COL8A1: variants seen among roughly 807,000 people sequenced by gnomAD.
The protein encoded by COL8A1 is collagen alpha-1(VIII) chain.
In COL8A1, 21 loss-of-function variants were observed where a neutral mutation model predicts 42.7. The ratio of observed to expected loss-of-function variants is 0.49; its 90% confidence interval spans 0.35 to 0.71. The LOEUF is 0.71. Among genes scored for constraint, COL8A1 ranks in the 30% least tolerant of loss-of-function variants. The probability of loss-of-function intolerance (pLI) is 0.01; values close to 1 mark genes in which losing one functional copy is unlikely to be tolerated. For synonymous variants in COL8A1, 367 were observed against 369.1 expected (o/e 0.99, Z 0.06); for missense variants, 788 against 962.4 (o/e 0.82, Z 2.40).
intron 1 of COL8A1, among the ~76,000 whole-genome samples, chr3:99,734,630 C>A (rs557021053): frequency 4.0e-5 from 6 of 151,824 alleles, no homozygotes; most frequent in African/African-American, 9.7e-5. Context: ...CTTGGCGATG[C>A]GGGCTTTTTT....
At chr3:99,741,772 C>T (rs1253414381) in intron 1 of COL8A1, among the ~76,000 whole-genome samples, 2 of 152,188 alleles carry the variant, frequency 1.3e-5, no homozygotes, top group African/African-American at 2.4e-5. Flanking sequence ...GTCAGCCTCA[C>T]GGCCTTTTGT....
rs552259912 is a variant in COL8A1, at chr3:99,796,334, G to A, written c.*198G>A. 2 of 462,192 alleles carry A rather than the reference G, an allele frequency of 4.3e-6. No homozygotes were observed. The highest frequency in any genetic ancestry group is 5.2e-5 in the South Asian group (1 of 19,296). 28.6% of individuals were successfully genotyped at this position (462,192 alleles called of 1,614,324 possible). On this transcript the variant is annotated 3_prime_UTR_variant, in exon 4 of 4. Transcript: ENST00000652472. ...ATACTCCACACAGCAGCCTGTAATT[G>A]CGAATGATGGGATAGAGTTATGTAT...
chr3:99,653,301 A>C lies in COL8A1; in HGVS notation c.-129+14637A>C, dbSNP rs183363755. Among the ~76,000 whole-genome samples the C allele has an allele frequency of 4.7e-4, 72 of 152,258 alleles. 1 individual carries two copies. Among genetic ancestry groups the C allele is most frequent in the Admixed American group, 4.0e-3 (61 of 15,288 alleles). Reference sequence around the variant, plus strand: ...TAGCTCATTTAATGAACTCTTTACTATGCCAGAGTCCTGCTGTGCATTGGT... The same window carrying C: ...TAGCTCATTTAATGAACTCTTTACTCTGCCAGAGTCCTGCTGTGCATTGGT... On this transcript the variant is annotated intron_variant, in intron 1 of 3. Coordinates refer to ENST00000652472, the MANE Select transcript of COL8A1 (RefSeq NM_020351.4).
In COL8A1 at chr3:99,796,186, A is replaced by G; in HGVS notation, c.*50A>G. 7.3e-7 allele frequency: 1 copy of G among 1,361,858 alleles called. No individual in the cohort carries two copies. The highest frequency in any genetic ancestry group is 9.7e-7 in the Non-Finnish European group (1 of 1,032,086). 84.4% of individuals were successfully genotyped at this position (1,361,858 alleles called of 1,614,324 possible). On this transcript the variant is annotated 3_prime_UTR_variant, in exon 4 of 4. Transcript: ENST00000652472. ...AAAGAAAGAGATTTTATAGAAGAAAATGACACACCAAAAAATCCAAATGAA... is the reference window on the plus strand; with the variant it reads ...AAAGAAAGAGATTTTATAGAAGAAAGTGACACACCAAAAAATCCAAATGAA...
chr3:99,696,709 T>C lies in COL8A1; in HGVS notation c.-128-48188T>C, dbSNP rs554813174. ...TCAGTCCCCGGGGTTACGCAATTAA[T>C]GCAGCATCATAACAGAAACGAAGAC... is the stretch of plus-strand genomic sequence containing the variant. On this transcript the variant is annotated intron_variant, in intron 1 of 3. Coordinates refer to ENST00000652472, the MANE Select transcript of COL8A1 (RefSeq NM_020351.4). 1.6e-4 allele frequency among the ~76,000 whole-genome samples: 24 copies of C among 152,268 alleles called. No homozygotes were observed. In the South Asian group the frequency reaches 2.1e-3, roughly 13 times the overall value.
intron 2 of COL8A1, among the ~76,000 whole-genome samples, chr3:99,777,453 G>T (rs1422353360): frequency 1.3e-5 from 2 of 152,164 alleles, no homozygotes; most frequent in Non-Finnish European, 2.9e-5. Context: ...AAGTTGAACT[G>T]GAATCATGAC....
At chr3:99,685,812 T>G (rs1173355594) in intron 1 of COL8A1, among the ~76,000 whole-genome samples, 1 of 152,234 alleles carries the variant, frequency 6.6e-6, no homozygotes, top group Admixed American at 6.5e-5. Flanking sequence ...ACCATGGCAG[T>G]TCTCTGTGAT....
rs541414679 is a variant in COL8A1, at chr3:99,788,507, T to G, written c.-3-2173T>G. 2.0e-5 allele frequency among the ~76,000 whole-genome samples: 3 copies of G among 152,328 alleles called. No individual in the cohort carries two copies. In the East Asian group the frequency reaches 5.8e-4, roughly 29 times the overall value. On this transcript the variant is annotated intron_variant, in intron 2 of 3. Transcript: ENST00000652472. ...GGGGTTCCATAATTAAATTCATTCA[T>G]CCCCAAAAGTAGAATTAAGTACCAG...
chr3:99,679,526 A>T (rs1007941269), intron 1 of COL8A1: 18 of 152,234 alleles, frequency 1.2e-4, no homozygotes, highest in African/African-American at 4.1e-4. Context: ...ATAGTGGCCT[A>T]TTGAAATCAT....
intron 1 of COL8A1, among the ~76,000 whole-genome samples, chr3:99,656,768 C>T (rs1938034363): frequency 6.6e-6 from 1 of 152,198 alleles, no homozygotes; most frequent in Non-Finnish European, 1.5e-5. Flanking sequence ...CAATTTGCTC[C>T]TGCATAAAAA....
chr3:99,740,747 G>A (rs562852219), intron 1 of COL8A1, among the ~76,000 whole-genome samples: 152 of 152,192 alleles, frequency 1.0e-3, no homozygotes, highest in Non-Finnish European at 1.7e-3. Flanking sequence ...AGGATTCAAA[G>A]CTCAGTCTAT....
At chr3:99,699,581 C>A (rs1419798746) in intron 1 of COL8A1, among the ~76,000 whole-genome samples, 1 of 152,188 alleles carries the variant, frequency 6.6e-6, no homozygotes, top group Non-Finnish European at 1.5e-5. Context: ...AACTCAAAGA[C>A]CTTTTAGAGA....
chr3:99,677,064 A>AGAGAG (rs1553721076), intron 1 of COL8A1, among the ~76,000 whole-genome samples: 2 of 149,374 alleles, frequency 1.3e-5, no homozygotes, highest in Non-Finnish European at 3.0e-5. Context: ...CAAAAAGAAA[A>AGAGAG]AGAGAGAGAG....
At chr3:99,692,000 G>A (rs928407004) in intron 1 of COL8A1, 5 of 152,018 alleles carry the variant, frequency 3.3e-5, no homozygotes, top group African/African-American at 7.3e-5. Flanking sequence ...ATGAAATCAC[G>A]TTATTCCTGG....
intron 2 of COL8A1, among the ~76,000 whole-genome samples, chr3:99,775,258 C>T (rs1003939171): frequency 6.6e-6 from 1 of 152,194 alleles, no homozygotes; most frequent in African/African-American, 2.4e-5. Context: ...AAGCACCAGG[C>T]TGTCTGGTGC....
chr3:99,650,887 T>A (rs151055824), intron 1 of COL8A1, among the ~76,000 whole-genome samples: 1 of 152,352 alleles, frequency 6.6e-6, no homozygotes, highest in East Asian at 1.9e-4. Flanking sequence ...TATAAACTAC[T>A]GAAAAAATTG....
At chr3:99,661,270 A>G (rs1427367594) in intron 1 of COL8A1, among the ~76,000 whole-genome samples, 1 of 152,236 alleles carries the variant, frequency 6.6e-6, no homozygotes, top group African/African-American at 2.4e-5. Flanking sequence ...AACAACAAAA[A>G]GAAACACAAT....
intron 1 of COL8A1, among the ~76,000 whole-genome samples, chr3:99,724,365 G>T (rs1940241195): frequency 6.6e-6 from 1 of 152,084 alleles, no homozygotes; most frequent in African/African-American, 2.4e-5. Flanking sequence ...TTATTTGCAT[G>T]CTTTCCTTTC....
intron 2 of COL8A1, among the ~76,000 whole-genome samples, chr3:99,786,452 A>G (rs1219268122): frequency 6.6e-6 from 1 of 152,136 alleles, no homozygotes; most frequent in East Asian, 1.9e-4. Flanking sequence ...GGTGTCATCT[A>G]TGAACCAGAA....
Sources: allele counts gnomAD v4.1 joint callset (sites outside exome capture counted in the v4.1 genomes callset), GRCh38; gene constraint gnomAD v4.1.1; transcripts MANE v1.5; gene names NCBI Gene and HGNC (gene_info 2026-07-23, HGNC 2026-07-21).